Variants in DCLK1 observed in about 807,000 individuals in gnomAD.
DCLK1 encodes doublecortin like kinase 1.
In DCLK1, 16 loss-of-function variants were observed where a neutral mutation model predicts 86.2. The observed-to-expected ratio is 0.19, with a 90% CI of 0.13 to 0.28. The LOEUF is 0.28. DCLK1 is among the 10% of genes least tolerant of loss of function. DCLK1 has a pLI of 1.00. For missense variants in DCLK1, 590 were observed against 940.2 expected (o/e 0.63, Z 4.87); for synonymous variants, 369 against 370.5 (o/e 1.00, Z 0.05).
intron 8 of DCLK1, among the ~76,000 whole-genome samples, chr13:35,833,857 G>A (rs1435765885): frequency 2.6e-5 from 4 of 152,180 alleles, no homozygotes; most frequent in South Asian, 2.1e-4. Flanking sequence ...AGCAGGAGCC[G>A]AATACTAACT....
At chr13:35,861,590 G>A (rs571210323) in intron 5 of DCLK1, among the ~76,000 whole-genome samples, 20 of 152,208 alleles carry the variant, frequency 1.3e-4, no homozygotes, top group Admixed American at 4.6e-4. Context: ...TGAATCCTAC[G>A]ATCCCCATTC....
intron 15 of DCLK1, among the ~76,000 whole-genome samples, chr13:35,793,726 A>T (rs1280696552): frequency 8.8e-6 from 1 of 113,660 alleles, no homozygotes; most frequent in South Asian, 2.7e-4. Flanking sequence ...TCTCTAAATT[A>T]AAAAAAAAAA....
intron 4 of DCLK1, among the ~76,000 whole-genome samples, chr13:35,936,302 A>C (rs985378443): frequency 9.9e-5 from 15 of 152,254 alleles, no homozygotes; most frequent in East Asian, 3.8e-4. Context: ...AGCCAGTTGC[A>C]AATGCAATAG....
At chr13:35,845,440 T>C (rs1317201352) in intron 6 of DCLK1, among the ~76,000 whole-genome samples, 2 of 152,208 alleles carry the variant, frequency 1.3e-5, no homozygotes, top group Non-Finnish European at 2.9e-5. Flanking sequence ...TTAAAAGAAA[T>C]AGCTTGTATA....
At chr13:36,130,326 T>A (rs147749179) in intron 1 of DCLK1, among the ~76,000 whole-genome samples, 82 of 152,334 alleles carry the variant, frequency 5.4e-4, no homozygotes, top group Admixed American at 8.5e-4. Flanking sequence ...GCACCGTGCC[T>A]GGACACACTC....
In DCLK1 at chr13:35,808,217, C is replaced by A. The variant is rs1212116490; in HGVS notation, c.1863+7G>T. 1 of 1,612,910 alleles carries A rather than the reference C, an allele frequency of 6.2e-7. No individual in the cohort carries two copies. Among genetic ancestry groups the A allele is most frequent in the African/African-American group, 1.3e-5 (1 of 74,882 alleles). On this transcript the variant is annotated splice_region_variant and intron_variant, in intron 14 of 16. Coordinates refer to ENST00000360631, the MANE Select transcript of DCLK1 (RefSeq NM_001330071.2). ...ATATAGGGAAGAGGAAGGCACTGGACACCTACCTTTGCAGAATCGGAAACA... is the reference window on the plus strand; with the variant it reads ...ATATAGGGAAGAGGAAGGCACTGGAAACCTACCTTTGCAGAATCGGAAACA...
intron 14 of DCLK1, 41 bp from the exon 15 acceptor site, chr13:35,805,820 G>A (rs2087016243): frequency 1.3e-6 from 2 of 1,580,186 alleles, no homozygotes; most frequent in African/African-American, 2.7e-5. Context: ...CTGAATTTAA[G>A]GTGAAAAGCT....
intron 5 of DCLK1, among the ~76,000 whole-genome samples, chr13:35,858,753 T>C (rs1170166246): frequency 1.3e-5 from 2 of 152,220 alleles, no homozygotes; most frequent in African/African-American, 4.8e-5. Flanking sequence ...GTGCTTCTAT[T>C]TGCATCGCCA....
chr13:36,023,007 C>G (rs1881849800), intron 3 of DCLK1, among the ~76,000 whole-genome samples: 1 of 152,088 alleles, frequency 6.6e-6, no homozygotes, highest in African/African-American at 2.4e-5. Flanking sequence ...GAACCGAATA[C>G]TAGAAAACTG....
intron 3 of DCLK1, among the ~76,000 whole-genome samples, chr13:36,049,078 T>C (rs1197177125): frequency 1.3e-5 from 2 of 152,166 alleles, no homozygotes; most frequent in Non-Finnish European, 2.9e-5. Flanking sequence ...CCATGCACTT[T>C]CCATCTTATT....
At chr13:35,979,257 A>G (rs1325820265) in intron 3 of DCLK1, among the ~76,000 whole-genome samples, 1 of 151,642 alleles carries the variant, frequency 6.6e-6, no homozygotes, top group Admixed American at 6.5e-5. Context: ...AATGACTATT[A>G]AAAGTAAAAG....
rs576858424 is a variant in DCLK1, at chr13:35,798,319, C to T, written c.1945-4840G>A. On this transcript the variant is annotated intron_variant, in intron 15 of 16. Transcript: ENST00000360631. ...TTCAGGCGTCATGCTTTAAAAAATTCTCATCCCCTTGCGGATTTTTGGTTT... is the reference window on the plus strand; with the variant it reads ...TTCAGGCGTCATGCTTTAAAAAATTTTCATCCCCTTGCGGATTTTTGGTTT... 2.6e-5 allele frequency among the ~76,000 whole-genome samples: 4 copies of T among 152,314 alleles called. No individual in the cohort carries two copies. In the East Asian group the frequency reaches 7.7e-4, roughly 29 times the overall value.
intron 3 of DCLK1, among the ~76,000 whole-genome samples, chr13:36,087,384 G>T (rs1409115298): frequency 2.0e-5 from 3 of 152,186 alleles, no homozygotes; most frequent in Admixed American, 1.3e-4. Context: ...TCAAGCACAG[G>T]TATTGCTAAA....
chr13:36,029,882 T>C (rs896495063), intron 3 of DCLK1, among the ~76,000 whole-genome samples: 2 of 152,200 alleles, frequency 1.3e-5, no homozygotes, highest in African/African-American at 2.4e-5. Flanking sequence ...CATATGCTTA[T>C]ACAAATTGTT....
At chr13:36,119,055 G>A (rs539168848) in intron 2 of DCLK1, among the ~76,000 whole-genome samples, 11 of 152,218 alleles carry the variant, frequency 7.2e-5, no homozygotes, top group African/African-American at 2.4e-4. Context: ...CCAAACATTA[G>A]GACCCTAGCA....
At chr13:35,918,801 T>G (rs1339866340) in intron 4 of DCLK1, among the ~76,000 whole-genome samples, 1 of 150,618 alleles carries the variant, frequency 6.6e-6, no homozygotes, top group African/African-American at 2.4e-5. Flanking sequence ...ATCCTGAAAA[T>G]GGGGAATGTC....
intron 3 of DCLK1, among the ~76,000 whole-genome samples, chr13:36,089,150 C>T (rs563976244): frequency 7.2e-4 from 110 of 152,224 alleles, no homozygotes; most frequent in African/African-American, 2.1e-3. Flanking sequence ...GCTTCGGAAG[C>T]GGTTTTAATT....
intron 3 of DCLK1, among the ~76,000 whole-genome samples, chr13:36,036,089 C>T (rs565946723): frequency 4.6e-5 from 7 of 152,086 alleles, no homozygotes; most frequent in Non-Finnish European, 1.0e-4. Context: ...AGCACCTCCC[C>T]GTAAGACATG....
chr13:35,957,333 A>G (rs1878046616), intron 3 of DCLK1, among the ~76,000 whole-genome samples: 1 of 152,166 alleles, frequency 6.6e-6, no homozygotes, highest in Non-Finnish European at 1.5e-5. Context: ...AAAGCAACTC[A>G]TTGTTCTCTT....
Sources: allele counts gnomAD v4.1 joint callset (sites outside exome capture counted in the v4.1 genomes callset), GRCh38; gene constraint gnomAD v4.1.1; transcripts MANE v1.5; gene names NCBI Gene and HGNC (gene_info 2026-07-23, HGNC 2026-07-21).